The following LDB2 variants were observed in gnomAD, a reference collection of about 807,000 sequenced individuals.
LDB2 encodes the protein LIM domain-binding protein 2.
In LDB2, 12 loss-of-function variants were observed where a neutral mutation model predicts 44.3. The observed-to-expected ratio is 0.27, with a 90% CI of 0.17 to 0.44. LDB2 has a LOEUF of 0.44. Ranked by LOEUF, LDB2 falls within the 20% of genes least tolerant of loss-of-function variation. The pLI, the probability that LDB2 is intolerant of heterozygous loss-of-function variation, is 1.00. For synonymous variants in LDB2, 164 were observed against 174.8 expected, an observed-to-expected ratio of 0.94 and a Z score of 0.49; for missense variants, 344 against 473.5, an observed-to-expected ratio of 0.73 and a Z score of 2.54.
chr4:16,891,691 C>T (rs1418333328), intron 1 of LDB2, among the ~76,000 whole-genome samples: 4 of 152,016 alleles, frequency 2.6e-5, no homozygotes, highest in Non-Finnish European at 5.9e-5. Flanking sequence ...TGGATCCATC[C>T]CTTGGAATTT....
chr4:16,892,551 A>G (rs975552914), intron 1 of LDB2, among the ~76,000 whole-genome samples: 2 of 152,190 alleles, frequency 1.3e-5, no homozygotes, highest in Non-Finnish European at 2.9e-5. Context: ...TCAAAAAGAC[A>G]TTGTTTTCCC....
chr4:16,738,592 T>C (rs17430050), intron 2 of LDB2, among the ~76,000 whole-genome samples: 2,946 of 152,326 alleles, frequency 0.019, 39 homozygotes, highest in Non-Finnish European at 0.028. Context: ...TCCAGATTTA[T>C]GTATGTCAAA....
Position 16,582,865 on chromosome 4 carries a change from C to G in LDB2, c.615+3057G>C, listed in dbSNP as rs1053932228. Among the ~76,000 whole-genome samples, 1 of 152,128 alleles carries G rather than the reference C, an allele frequency of 6.6e-6. No homozygotes were observed. The highest frequency in any genetic ancestry group is 1.5e-5 in the Non-Finnish European group (1 of 68,034). ...ACCTCTTAGCTCGGGGCACCTCTAACCTTGTCATGCTGGGATGCGACAGGA... is the reference window on the plus strand; with the variant it reads ...ACCTCTTAGCTCGGGGCACCTCTAAGCTTGTCATGCTGGGATGCGACAGGA... On this transcript the variant is annotated intron_variant, in intron 5 of 7. Coordinates refer to ENST00000304523, the MANE Select transcript of LDB2 (RefSeq NM_001290.5). The surrounding 1 kb of genome is among the most constrained non-coding windows in gnomAD (Gnocchi z 4.8).
At chr4:16,834,507 G>A (rs1032648257) in intron 1 of LDB2, among the ~76,000 whole-genome samples, 6 of 152,108 alleles carry the variant, frequency 3.9e-5, no homozygotes, top group East Asian at 3.9e-4. Flanking sequence ...CTACGAGCAC[G>A]TGACTCCTAT....
At chr4:16,685,294 T>G (rs1038268426) in intron 2 of LDB2, among the ~76,000 whole-genome samples, 1 of 152,216 alleles carries the variant, frequency 6.6e-6, no homozygotes, top group Admixed American at 6.5e-5. Context: ...CCATTTAACT[T>G]CAATAGGTCT....
At chr4:16,775,484 C>A (rs6449267) in intron 1 of LDB2, among the ~76,000 whole-genome samples, 6 of 152,070 alleles carry the variant, frequency 3.9e-5, no homozygotes, top group African/African-American at 1.4e-4. Flanking sequence ...CATAGTGCTA[C>A]TATGAGAATT....
At chr4:16,853,222 C>T (rs556895550) in intron 1 of LDB2, among the ~76,000 whole-genome samples, 3 of 152,112 alleles carry the variant, frequency 2.0e-5, no homozygotes, top group African/African-American at 7.2e-5. Context: ...AAAATATTTG[C>T]AAAGCATGTA....
chr4:16,675,707 ATAT>A (rs1269878687), intron 2 of LDB2, among the ~76,000 whole-genome samples: 1 of 152,192 alleles, frequency 6.6e-6, no homozygotes, highest in African/African-American at 2.4e-5. Flanking sequence ...ATGTCTTAAT[ATAT>A]TAATAGCACT....
chr4:16,713,744 A>C (rs1303067528), intron 2 of LDB2, among the ~76,000 whole-genome samples: 1 of 152,242 alleles, frequency 6.6e-6, no homozygotes, highest in East Asian at 1.9e-4. Context: ...GATGGATTTC[A>C]TAGGCTGCCC....
intron 1 of LDB2, among the ~76,000 whole-genome samples, chr4:16,878,401 C>G (rs1359193070): frequency 6.6e-6 from 1 of 152,188 alleles, no homozygotes; most frequent in African/African-American, 2.4e-5. Flanking sequence ...TACTCAACAC[C>G]TTCCACGGCT....
At chr4:16,585,603 C>A (rs1233652672) in intron 5 of LDB2, among the ~76,000 whole-genome samples, 1 of 152,094 alleles carries the variant, frequency 6.6e-6, no homozygotes, top group Non-Finnish European at 1.5e-5. Flanking sequence ...CACCAATAAC[C>A]CATTTGAACT....
chr4:16,690,919 C>T (rs76616513), intron 2 of LDB2, among the ~76,000 whole-genome samples: 199 of 152,198 alleles, frequency 1.3e-3, no homozygotes, highest in African/African-American at 4.4e-3. Context: ...TCAGATAGAC[C>T]GTTTCCCCTA....
At chr4:16,691,488 T>C (rs1750762869) in intron 2 of LDB2, among the ~76,000 whole-genome samples, 1 of 152,080 alleles carries the variant, frequency 6.6e-6, no homozygotes. Flanking sequence ...TAAGTAGAGG[T>C]AAAGAACAGT....
chr4:16,836,473 C>T lies in LDB2; in HGVS notation c.132+61881G>A, dbSNP rs143143832. On this transcript the variant is annotated intron_variant, in intron 1 of 7. Coordinates refer to ENST00000304523, the MANE Select transcript of LDB2 (RefSeq NM_001290.5). ...CAAATTTACCTCCTCTACCTAGATG[C>T]CCAGATGTCAAAGCTCTCCAAATTT... Among the ~76,000 whole-genome samples, 4 of 152,176 alleles carry T rather than the reference C, an allele frequency of 2.6e-5. No individual in the cohort carries two copies. The South Asian group carries it at 8.3e-4, about 32-fold the overall frequency.
At chr4:16,615,208 G>T (rs1177249968) in intron 2 of LDB2, among the ~76,000 whole-genome samples, 1 of 152,044 alleles carries the variant, frequency 6.6e-6, no homozygotes, top group African/African-American at 2.4e-5. Flanking sequence ...ATTCCTCAAG[G>T]ATCTAGAACT....
intron 5 of LDB2, among the ~76,000 whole-genome samples, chr4:16,566,692 T>C (rs1175028755): frequency 6.6e-6 from 1 of 151,944 alleles, no homozygotes; most frequent in Non-Finnish European, 1.5e-5. Flanking sequence ...AAAACAAAAA[T>C]ATTCAATGGA....
At chr4:16,705,687 G>C (rs529054646) in intron 2 of LDB2, among the ~76,000 whole-genome samples, 1 of 152,258 alleles carries the variant, frequency 6.6e-6, no homozygotes, top group Non-Finnish European at 1.5e-5. Context: ...TGAGCAACGT[G>C]CTAGTCCTTT....
intron 5 of LDB2, among the ~76,000 whole-genome samples, chr4:16,564,623 G>A (rs1743817335): frequency 6.6e-6 from 1 of 151,932 alleles, no homozygotes; most frequent in South Asian, 2.1e-4. Context: ...CTTTTCTAAG[G>A]GATCTTTCTT....
chr4:16,610,381 G>T (rs539809805), intron 2 of LDB2, among the ~76,000 whole-genome samples: 77 of 152,294 alleles, frequency 5.1e-4, no homozygotes, highest in African/African-American at 1.7e-3. Flanking sequence ...ATTGACAGAA[G>T]TAGGCTTCAG....
Sources: gnomAD v4.1 joint callset for allele counts (sites outside exome capture counted in the v4.1 genomes callset) on GRCh38, gnomAD v4.1.1 for gene constraint, Gnocchi (gnomAD v3.1) non-coding constraint, MANE v1.5 for transcripts, NCBI Gene and HGNC (gene_info 2026-07-23, HGNC 2026-07-21) for gene names.